Variants in HPSE2 observed in about 807,000 individuals in gnomAD.
The protein encoded by HPSE2 is inactive heparanase-2.
Under a neutral mutation model 60.5 loss-of-function variants are expected in HPSE2, and 38 were observed. The observed-to-expected ratio is 0.63, with a 90% CI of 0.48 to 0.82. HPSE2 has a LOEUF of 0.82. Ranked by LOEUF, HPSE2 falls within the 40% of genes least tolerant of loss-of-function variation. HPSE2 has a pLI of 0.00. For synonymous variants in HPSE2, 295 were observed against 293.2 expected, an observed-to-expected ratio of 1.01 and a Z score of -0.06; for missense variants, 713 against 740.4, an observed-to-expected ratio of 0.96 and a Z score of 0.43.
chr10:99,125,245 A>T (rs1029971420), intron 3 of HPSE2, among the ~76,000 whole-genome samples: 2 of 152,216 alleles, frequency 1.3e-5, no homozygotes, highest in Non-Finnish European at 2.9e-5. Context: ...AAATTCATGT[A>T]TTTTAAACCA....
chr10:98,875,022 T>C (rs1019150267), intron 3 of HPSE2, among the ~76,000 whole-genome samples: 1 of 152,066 alleles, frequency 6.6e-6, no homozygotes, highest in African/African-American at 2.4e-5. Flanking sequence ...CAGTATTTTA[T>C]TGAGGATTTT....
chr10:98,469,426 G>C (rs1408995850), intron 11 of HPSE2, among the ~76,000 whole-genome samples: 1 of 152,060 alleles, frequency 6.6e-6, no homozygotes, highest in Non-Finnish European at 1.5e-5. Context: ...GTAAAGAATT[G>C]GTGCCATCAT....
At chr10:98,763,646 T>C (rs1025140972) in intron 3 of HPSE2, among the ~76,000 whole-genome samples, 11 of 152,054 alleles carry the variant, frequency 7.2e-5, no homozygotes, top group African/African-American at 2.4e-4. Flanking sequence ...AGAGGGTTTT[T>C]TTCTTATATA....
chr10:98,570,365 A>G (rs1347591147), intron 9 of HPSE2, among the ~76,000 whole-genome samples: 1 of 151,680 alleles, frequency 6.6e-6, no homozygotes, highest in Non-Finnish European at 1.5e-5. Context: ...TAGGTACTCA[A>G]ATGAAAGCTG....
At chr10:98,756,005 AAAAC>A (rs2134370200) in intron 3 of HPSE2, among the ~76,000 whole-genome samples, 1 of 152,288 alleles carries the variant, frequency 6.6e-6, no homozygotes, top group Non-Finnish European at 1.5e-5. Flanking sequence ...AAAAAAACAA[AAAAC>A]AAACAAAAAA....
At chr10:98,999,767 A>G (rs1366787987) in intron 3 of HPSE2, among the ~76,000 whole-genome samples, 1 of 152,176 alleles carries the variant, frequency 6.6e-6, no homozygotes, top group South Asian at 2.1e-4. Context: ...AGAAAAGAAG[A>G]GGGAACTAAC....
intron 3 of HPSE2, among the ~76,000 whole-genome samples, chr10:98,917,566 C>T (rs1459693828): frequency 6.6e-6 from 1 of 152,148 alleles, no homozygotes; most frequent in Non-Finnish European, 1.5e-5. Context: ...AATTCTTCAC[C>T]TTTAAAAGGA....
intron 9 of HPSE2, among the ~76,000 whole-genome samples, chr10:98,589,590 T>A (rs543417800): frequency 4.1e-4 from 63 of 152,320 alleles, no homozygotes; most frequent in African/African-American, 1.4e-3. Flanking sequence ...AGCCCTCTCA[T>A]ACATGACAGC....
At chr10:98,597,094 T>A (rs772974812) in intron 9 of HPSE2, among the ~76,000 whole-genome samples, 6 of 152,010 alleles carry the variant, frequency 3.9e-5, no homozygotes, top group Admixed American at 1.3e-4. Flanking sequence ...CATGAGAACT[T>A]ACTCACTATC....
At chr10:99,148,231 T>C (rs533259061) in intron 2 of HPSE2, among the ~76,000 whole-genome samples, 1 of 152,216 alleles carries the variant, frequency 6.6e-6, no homozygotes, top group Non-Finnish European at 1.5e-5. Context: ...TGGCTTGGTA[T>C]TCACTTATTA....
At chr10:98,974,783 T>C (rs1956046943) in intron 3 of HPSE2, among the ~76,000 whole-genome samples, 1 of 152,146 alleles carries the variant, frequency 6.6e-6, no homozygotes, top group Admixed American at 6.5e-5. Context: ...TGTATCACCT[T>C]ATTCCCTTTT....
intron 3 of HPSE2, among the ~76,000 whole-genome samples, chr10:98,919,006 A>C (rs1356801213): frequency 6.6e-6 from 1 of 152,126 alleles, no homozygotes; most frequent in Admixed American, 6.6e-5. Context: ...AAAATAAGAT[A>C]CAGCCTGGGG....
At chr10:98,828,851 G>A (rs1951614791) in intron 3 of HPSE2, among the ~76,000 whole-genome samples, 1 of 152,092 alleles carries the variant, frequency 6.6e-6, no homozygotes, top group Non-Finnish European at 1.5e-5. Context: ...TTCCATTTCT[G>A]ACTATATAAC....
the HPSE2 span, among the ~76,000 whole-genome samples, chr10:99,312,007 C>T: frequency 6.6e-6 from 1 of 152,186 alleles, no homozygotes; most frequent in African/African-American, 2.4e-5. Context: ...AAAGCCTAAT[C>T]CAGAGCAAGG....
intron 6 of HPSE2, among the ~76,000 whole-genome samples, chr10:98,665,981 T>C (rs72840536): frequency 0.033 from 4,986 of 152,220 alleles, 216 homozygotes; most frequent in African/African-American, 0.092. Context: ...TTAAAAGGCA[T>C]AGAGTGACAA....
intron 3 of HPSE2, among the ~76,000 whole-genome samples, chr10:98,752,446 C>T (rs1483941048): frequency 6.6e-6 from 1 of 152,146 alleles, no homozygotes; most frequent in East Asian, 1.9e-4. Flanking sequence ...TAACATAGAT[C>T]TTGTCCCAGC....
rs1310354587 is a variant in HPSE2, at chr10:99,137,505, T to C, written c.610+6733A>G. On this transcript the variant is annotated intron_variant, in intron 3 of 11. Coordinates refer to ENST00000370552, the MANE Select transcript of HPSE2 (RefSeq NM_021828.5). ...CTGACTTCAAATTATACTACAAGGCTACAGTAACCAAAACAGCATGGTACT... is the reference window on the plus strand; with the variant it reads ...CTGACTTCAAATTATACTACAAGGCCACAGTAACCAAAACAGCATGGTACT... Among the ~76,000 whole-genome samples the C allele has an allele frequency of 2.6e-5, 4 of 152,306 alleles. No homozygotes were observed. In the East Asian group the frequency reaches 7.7e-4, roughly 29 times the overall value.
At chr10:98,970,875 C>T (rs1489596193) in intron 3 of HPSE2, among the ~76,000 whole-genome samples, 1 of 152,076 alleles carries the variant, frequency 6.6e-6, no homozygotes. Flanking sequence ...TAATCAGAAG[C>T]CAAATCATGT....
chr10:99,204,172 G>A (rs762068437), intron 2 of HPSE2, among the ~76,000 whole-genome samples: 10 of 152,100 alleles, frequency 6.6e-5, no homozygotes, highest in Non-Finnish European at 1.0e-4. Context: ...CATTCATACA[G>A]GCCCCAGGCA....
Sources: gnomAD v4.1 joint callset for allele counts (sites outside exome capture counted in the v4.1 genomes callset) on GRCh38, gnomAD v4.1.1 for gene constraint, MANE v1.5 for transcripts, NCBI Gene and HGNC (gene_info 2026-07-23, HGNC 2026-07-21) for gene names.